Variants in RELN observed in about 807,000 individuals in gnomAD.
The protein encoded by RELN is reelin.
A neutral mutation model predicts 427.6 loss-of-function variants in RELN; 108 were observed. That is an observed-to-expected ratio of 0.25 (90% CI 0.22 to 0.30). RELN has a LOEUF of 0.30. Among genes scored for constraint, RELN ranks in the 10% least tolerant of loss-of-function variants. RELN has a pLI of 1.00. For missense variants in RELN, 3,715 were observed against 4,302.8 expected (o/e 0.86, Z 3.82); for synonymous variants, 1,524 against 1,513.4 (o/e 1.01, Z -0.16).
chr7:103,523,312 A>G, intron 47 of RELN, 79 bp downstream of exon 47: 1 of 1,557,018 alleles, frequency 6.4e-7, no homozygotes, highest in Non-Finnish European at 8.8e-7. Flanking sequence ...GAGTGATTCA[A>G]AAACCAGTTA....
intron 2 of RELN, among the ~76,000 whole-genome samples, chr7:103,847,915 A>G (rs1307534671): frequency 1.3e-5 from 2 of 152,224 alleles, no homozygotes. Flanking sequence ...AGTTCTGGAC[A>G]GGTAGCCAGC....
intron 2 of RELN, among the ~76,000 whole-genome samples, chr7:103,913,971 G>A (rs920444248): frequency 7.9e-5 from 12 of 152,154 alleles, no homozygotes; most frequent in East Asian, 1.9e-4. Flanking sequence ...TATGGAAGTC[G>A]CTGATGGGCT....
Position 103,620,468 on chromosome 7 carries a change from G to A in RELN, c.2703-8665C>T, listed in dbSNP as rs1422659293. On this transcript the variant is annotated intron_variant, in intron 20 of 64. Coordinates refer to ENST00000428762, the MANE Select transcript of RELN (RefSeq NM_005045.4). This position sits in a 1 kb window ranked among gnomAD's most constrained non-coding sequence, Gnocchi z 4.1. ...GATTTTGGTTGAAGATAACTCACCC[G>A]ATCCACATTTTTTTTTTTTTTTTGA... Among the ~76,000 whole-genome samples, 6 of 125,158 alleles carry A rather than the reference G, an allele frequency of 4.8e-5. No homozygotes were observed. The highest frequency in any genetic ancestry group is 2.8e-4 in the Admixed American group (3 of 10,896). 82.1% of individuals were successfully genotyped at this position (125,158 alleles called of 152,430 possible).
At position 103,881,800 on chromosome 7, in the gene RELN, A is replaced by G. The variant is rs181398281; in HGVS notation, c.337+35275T>C. On this transcript the variant is annotated intron_variant, in intron 2 of 64. Coordinates refer to ENST00000428762, the MANE Select transcript of RELN (RefSeq NM_005045.4). ...GAAGCCCTGCCCAAAGTAAAACATC[A>G]CGAATGAATAAATGTTACTGTTTTA... Among the ~76,000 whole-genome samples, 44 of 152,234 alleles carry G rather than the reference A, an allele frequency of 2.9e-4. 1 individual carries two copies. The East Asian group carries it at 8.5e-3, about 29-fold the overall frequency.
intron 3 of RELN, among the ~76,000 whole-genome samples, chr7:103,813,153 AAACCCTTTCTCTTTCTACATATTAATAC>A: frequency 6.6e-6 from 1 of 152,136 alleles, no homozygotes; most frequent in South Asian, 2.1e-4. Context: ...AGGTTACTGG[AAACCCTTTCTCTTTCTACATATTAATAC>A]ATGGCCAATT....
chr7:103,872,079 A>G (rs1258577548), intron 2 of RELN, among the ~76,000 whole-genome samples: 5 of 113,500 alleles, frequency 4.4e-5, no homozygotes, highest in Admixed American at 8.8e-5. Flanking sequence ...TTTTTTTATT[A>G]TACTTTAAGT....
intron 2 of RELN, among the ~76,000 whole-genome samples, chr7:103,851,034 G>C (rs1001943955): frequency 1.3e-5 from 2 of 152,148 alleles, no homozygotes; most frequent in Non-Finnish European, 2.9e-5. Flanking sequence ...TTGCACAGGC[G>C]TATTTATTGC....
chr7:103,747,128 C>G (rs1464859135), intron 6 of RELN, among the ~76,000 whole-genome samples: 1 of 151,996 alleles, frequency 6.6e-6, no homozygotes, highest in Non-Finnish European at 1.5e-5. Flanking sequence ...ATGGATGAAA[C>G]TGGAAACCAT....
chr7:103,588,750 T>C (rs1206036491), intron 28 of RELN, among the ~76,000 whole-genome samples: 3 of 152,134 alleles, frequency 2.0e-5, no homozygotes, highest in South Asian at 2.1e-4. Context: ...AATATAAGCA[T>C]AGTGAGTGTT....
intron 11 of RELN, among the ~76,000 whole-genome samples, chr7:103,678,262 C>T (rs190289985): frequency 6.6e-6 from 1 of 152,254 alleles, no homozygotes; most frequent in African/African-American, 2.4e-5. Flanking sequence ...TACAAAGCTA[C>T]CTTCCACCTA....
chr7:103,781,611 C>A (rs1187102380), intron 3 of RELN, among the ~76,000 whole-genome samples: 4 of 152,016 alleles, frequency 2.6e-5, no homozygotes, highest in Non-Finnish European at 5.9e-5. Context: ...TTGAACTTAT[C>A]CCTCCTGTCT....
Position 103,483,733 on chromosome 7 carries a change from G to A in RELN, c.10101C>T (p.Asn3367=), listed in dbSNP as rs757164573. The A allele has an allele frequency of 1.5e-5, 25 of 1,614,036 alleles. No homozygotes were observed. Among genetic ancestry groups the A allele is most frequent in the Middle Eastern group, 1.6e-4 (1 of 6,084 alleles). Residue 3367 remains asparagine (N), a synonymous_variant, in exon 62 of 65, where the codon AAC becomes AAT. Transcript: ENST00000428762. ...KAVLLQYSVN[N]GITWHVIAQH... The stretch of plus-strand genomic sequence containing the variant: ...GGGCGATGACATGCCAGGTGATCCC[G>A]TTGTTGACGCTGTATTGCAGCAGCA...
intron 10 of RELN, 147 bp from the exon 11 acceptor site, chr7:103,682,408 T>C: frequency 3.6e-6 from 3 of 832,398 alleles, no homozygotes; most frequent in Non-Finnish European, 5.9e-6. Flanking sequence ...TTGTTACCTC[T>C]TTTTTGCCTT....
chr7:103,909,346 A>G (rs1305484593), intron 2 of RELN, among the ~76,000 whole-genome samples: 1 of 151,978 alleles, frequency 6.6e-6, no homozygotes, highest in Non-Finnish European at 1.5e-5. Flanking sequence ...TGTTCAGTGA[A>G]AAATAAAACA....
intron 51 of RELN, among the ~76,000 whole-genome samples, chr7:103,509,311 A>G (rs1829319073): frequency 6.6e-6 from 1 of 152,188 alleles, no homozygotes; most frequent in Non-Finnish European, 1.5e-5. Context: ...AGTTATATAG[A>G]CCAATCAAAC....
At chr7:103,694,341 C>A (rs1235233843) in intron 10 of RELN, among the ~76,000 whole-genome samples, 3 of 152,098 alleles carry the variant, frequency 2.0e-5, no homozygotes, top group Admixed American at 6.6e-5. Flanking sequence ...TGAATCCTTA[C>A]CCTGCTTCTG....
At chr7:103,912,116 A>G in intron 2 of RELN, among the ~76,000 whole-genome samples, 1 of 152,154 alleles carries the variant, frequency 6.6e-6, no homozygotes, top group East Asian at 1.9e-4. Context: ...AATGTTTAAG[A>G]GAAAAAATTA....
intron 63 of RELN, 196 bp downstream of exon 63, chr7:103,482,677 T>C: frequency 1.4e-6 from 1 of 703,552 alleles, no homozygotes; most frequent in African/African-American, 1.9e-5. Flanking sequence ...TAAGGTACAT[T>C]ACATTTCATT....
At chr7:103,571,981 G>A (rs1238159464) in intron 31 of RELN, among the ~76,000 whole-genome samples, 1 of 152,174 alleles carries the variant, frequency 6.6e-6, no homozygotes, top group East Asian at 1.9e-4. Flanking sequence ...GAGCAGACAT[G>A]ATATATTTCA....
Sources: gnomAD v4.1 joint callset for allele counts (sites outside exome capture counted in the v4.1 genomes callset) on GRCh38, gnomAD v4.1.1 for gene constraint, Gnocchi (gnomAD v3.1) non-coding constraint, MANE v1.5 for transcripts, NCBI Gene and HGNC (gene_info 2026-07-23, HGNC 2026-07-21) for gene names.